The following RCBTB1 variants were observed in gnomAD, a reference collection of about 807,000 sequenced individuals.
The protein encoded by RCBTB1 is RCC1 and BTB domain-containing protein 1.
In RCBTB1, 46 loss-of-function variants were observed where a neutral mutation model predicts 62.4. The observed-to-expected ratio is 0.74, with a 90% CI of 0.58 to 0.94. RCBTB1 has a LOEUF of 0.94. Ranked by LOEUF, RCBTB1 falls within the 40% of genes least tolerant of loss-of-function variation. The probability of loss-of-function intolerance (pLI) is 0.00; values close to 1 mark genes in which losing one functional copy is unlikely to be tolerated. For missense variants in RCBTB1, 565 were observed against 654.9 expected (o/e 0.86, Z 1.50); for synonymous variants, 222 against 245.8 (o/e 0.90, Z 0.91).
At chr13:49,568,290 T>C (rs1299208856) in intron 2 of RCBTB1, among the ~76,000 whole-genome samples, 1 of 152,228 alleles carries the variant, frequency 6.6e-6, no homozygotes, top group African/African-American at 2.4e-5. Flanking sequence ...TACCTTATTT[T>C]CTACTGAGAG....
chr13:49,552,093 C>T, intron 7 of RCBTB1, 85 bp downstream of exon 7: 1 of 845,058 alleles, frequency 1.2e-6, no homozygotes, highest in East Asian at 2.7e-5. Flanking sequence ...AAAAGACTGA[C>T]TGAAGAGTAA....
At position 49,582,828 on chromosome 13, in the gene RCBTB1, CT is replaced by C. The variant is rs1356541765; in HGVS notation, c.-121-2245del. Among the ~76,000 whole-genome samples, 3 of 146,642 alleles carry C rather than the reference CT, an allele frequency of 2.0e-5. No individual in the cohort carries two copies. In the Admixed American group the frequency reaches 2.1e-4, roughly 10 times the overall value. ...TCTTCTGAGGTCACCTATTTTTCCCCTATGAAGAAAGAGTTAGGCTTTTTGC... is the reference window on the plus strand; with the variant it reads ...TCTTCTGAGGTCACCTATTTTTCCCCATGAAGAAAGAGTTAGGCTTTTTGC... On this transcript the variant is annotated intron_variant, in intron 1 of 12. Transcript: ENST00000378302.
chr13:49,565,438 C>A (rs1962864036), intron 4 of RCBTB1, among the ~76,000 whole-genome samples: 1 of 152,016 alleles, frequency 6.6e-6, no homozygotes. Flanking sequence ...GGCCGCCACC[C>A]CGTCTGGGAA....
intron 9 of RCBTB1, chr13:49,545,985 T>C (rs151191206): frequency 1.8e-6 from 1 of 562,084 alleles, no homozygotes; most frequent in East Asian, 1.4e-4. Flanking sequence ...CTCCACCCCA[T>C]GCAATGCAGA....
At chr13:49,542,526 G>C (rs1960466213) in intron 10 of RCBTB1, among the ~76,000 whole-genome samples, 1 of 152,024 alleles carries the variant, frequency 6.6e-6, no homozygotes, top group South Asian at 2.1e-4. Context: ...TCAGAAACAA[G>C]AGTTCAAAAC....
intron 4 of RCBTB1, among the ~76,000 whole-genome samples, chr13:49,566,410 G>A (rs555044741): frequency 2.0e-5 from 3 of 152,146 alleles, no homozygotes; most frequent in Non-Finnish European, 4.4e-5. Flanking sequence ...GAAAACCTCA[G>A]AAGTTTGCCT....
chr13:49,532,617 G>C lies in RCBTB1; in HGVS notation c.*1505C>G, dbSNP rs898996285. On this transcript the variant is annotated 3_prime_UTR_variant, in exon 13 of 13. Coordinates refer to ENST00000378302, the MANE Select transcript of RCBTB1 (RefSeq NM_018191.4). ...AAAGGGGGCTGGGGCTCCTAGGCTT[G>C]TATCTATTTCAGCTATCAGTGAATT... is the stretch of plus-strand genomic sequence containing the variant. 1 of 152,278 alleles carries C rather than the reference G, an allele frequency of 6.6e-6. No homozygotes were observed. The highest frequency in any genetic ancestry group is 1.5e-5 in the Non-Finnish European group (1 of 68,014). 9.4% of individuals were successfully genotyped at this position (152,278 alleles called of 1,614,324 possible). A position where few individuals can be genotyped will look rare whatever the true frequency, so the allele number is the denominator to read the frequency against.
chr13:49,534,317 GA>G (rs1350953695), intron 12 of RCBTB1, 55 bp from the exon 13 acceptor site: 90 of 1,561,098 alleles, frequency 5.8e-5, no homozygotes, highest in Non-Finnish European at 7.7e-5. Context: ...AACTTTGATT[GA>G]ATTACTTCTC....
At chr13:49,551,205 T>A (rs1002993241) in intron 8 of RCBTB1, 121 bp downstream of exon 8, 2 of 1,191,136 alleles carry the variant, frequency 1.7e-6, no homozygotes, top group African/African-American at 3.1e-5. Context: ...TTATCTCTTT[T>A]GTCCAAAATG....
At position 49,551,472 on chromosome 13, in the gene RCBTB1, C is replaced by CAAGTAAATTGAAAT; in HGVS notation, c.712-5_712-4insATTTCAATTTACTT. On this transcript the variant is annotated splice_region_variant and splice_polypyrimidine_tract_variant and intron_variant, in intron 7 of 12. Transcript: ENST00000378302. The stretch of plus-strand genomic sequence containing the variant: ...TATGTGCGTAACCGCAGACAATCTG[C>CAAGTAAATTGAAAT]AAGTAAATTGAAACGGTTACCATTA... 1 of 1,613,654 alleles carries CAAGTAAATTGAAAT rather than the reference C, an allele frequency of 6.2e-7. No homozygotes were observed. Among genetic ancestry groups the CAAGTAAATTGAAAT allele is most frequent in the Non-Finnish European group, 8.5e-7 (1 of 1,179,882 alleles).
rs1177282857 is a variant in RCBTB1 at position 49,544,625 on chromosome 13, G to GTAC, written c.1172+111_1172+112insGTA. 1.6e-5 allele frequency: 13 copies of GTAC among 807,508 alleles called. No individual in the cohort carries two copies. In the African/African-American group the frequency reaches 1.9e-4, roughly 12 times the overall value. The allele number at this position is 807,508 out of a possible 1,614,324, so 50.0% of individuals were successfully genotyped here. A position where few individuals can be genotyped will look rare whatever the true frequency, so the allele number is the denominator to read the frequency against. ...CTGATACTATCTGCAAAAATATTAA[G>GTAC]TAGTGACATTTCTCTCTACTACCAA... On this transcript the variant is annotated intron_variant, in intron 10 of 12. Coordinates refer to ENST00000378302, the MANE Select transcript of RCBTB1 (RefSeq NM_018191.4).
intron 12 of RCBTB1, among the ~76,000 whole-genome samples, chr13:49,539,016 C>CG (rs1566212598): frequency 6.6e-6 from 1 of 151,462 alleles, no homozygotes; most frequent in East Asian, 1.9e-4. Flanking sequence ...ATTACAGGTA[C>CG]GCACCACCAC....
chr13:49,557,648 G>A (rs1054757202), intron 5 of RCBTB1, among the ~76,000 whole-genome samples: 17 of 152,072 alleles, frequency 1.1e-4, no homozygotes, highest in African/African-American at 2.9e-4. Flanking sequence ...GGTTGGGTGC[G>A]GTAGCTCACA....
chr13:49,581,995 A>G (rs368518581), intron 1 of RCBTB1, among the ~76,000 whole-genome samples: 1 of 152,284 alleles, frequency 6.6e-6, no homozygotes, highest in African/African-American at 2.4e-5. Context: ...CTGAAGGAAA[A>G]ATGAGAAATC....
At chr13:49,557,830 G>T (rs187989705) in intron 5 of RCBTB1, among the ~76,000 whole-genome samples, 1 of 151,994 alleles carries the variant, frequency 6.6e-6, no homozygotes, top group Admixed American at 6.5e-5. Context: ...TACAATACAC[G>T]TTATGCTAGA....
chr13:49,546,163 C>T (rs1264932945), intron 9 of RCBTB1: 2 of 985,284 alleles, frequency 2.0e-6, no homozygotes, highest in African/African-American at 3.5e-5. Flanking sequence ...ACCCACTTCT[C>T]ATCAGTGCTT....
chr13:49,572,675 A>G (rs1963488847), intron 2 of RCBTB1, among the ~76,000 whole-genome samples: 1 of 151,478 alleles, frequency 6.6e-6, no homozygotes, highest in African/African-American at 2.4e-5. Context: ...GTGGTGGCGC[A>G]CGCTGGTAAT....
Position 49,532,769 on chromosome 13 carries a change from C to T in RCBTB1, c.*1353G>A, listed in dbSNP as rs1959654603. 1 of 151,902 alleles carries T rather than the reference C, an allele frequency of 6.6e-6. No homozygotes were observed. Among genetic ancestry groups the T allele is most frequent in the Admixed American group, 6.6e-5 (1 of 15,240 alleles). 9.4% of individuals were successfully genotyped at this position (151,902 alleles called of 1,614,324 possible). A position where few individuals can be genotyped will look rare whatever the true frequency, so the allele number is the denominator to read the frequency against. The stretch of plus-strand genomic sequence containing the variant: ...TGGCTCTGAAAATGTATTCAGGCTC[C>T]AGGTTCAGAAGAGAGACTTTCCAAG... On this transcript the variant is annotated 3_prime_UTR_variant, in exon 13 of 13. Transcript: ENST00000378302.
intron 8 of RCBTB1, chr13:49,549,942 G>A (rs1447286331): frequency 2.8e-5 from 27 of 980,862 alleles, no homozygotes; most frequent in Non-Finnish European, 3.1e-5. Context: ...TGAGGAAAGT[G>A]GACACTGAGA....
Sources: allele counts gnomAD v4.1 joint callset (sites outside exome capture counted in the v4.1 genomes callset), GRCh38; gene constraint gnomAD v4.1.1; transcripts MANE v1.5; gene names NCBI Gene and HGNC (gene_info 2026-07-23, HGNC 2026-07-21).